IGFBP7: variants seen among roughly 807,000 people sequenced by gnomAD.
IGFBP7 encodes the protein insulin like growth factor binding protein 7.
A neutral mutation model predicts 29.4 loss-of-function variants in IGFBP7; 31 were observed. That is an observed-to-expected ratio of 1.05 (90% CI 0.79 to 1.42). The LOEUF (loss-of-function observed/expected upper bound fraction) is 1.42. IGFBP7 is among the 40% of genes most tolerant of loss of function. The probability of loss-of-function intolerance (pLI) is 0.00; values close to 1 mark genes in which losing one functional copy is unlikely to be tolerated. For synonymous variants in IGFBP7, 172 were observed against 174.9 expected (o/e 0.98, Z 0.13); for missense variants, 393 against 395.5 (o/e 0.99, Z 0.05).
chr4:57,031,023 C>G lies in IGFBP7; in HGVS notation c.*294G>C. The G allele has an allele frequency of 8.2e-7, 1 of 1,215,394 alleles. No individual in the cohort carries two copies. The highest frequency in any genetic ancestry group is 1.2e-6 in the Non-Finnish European group (1 of 816,668). 75.3% of individuals were successfully genotyped at this position (1,215,394 alleles called of 1,614,324 possible). A position where few individuals can be genotyped will look rare whatever the true frequency, so the allele number is the denominator to read the frequency against. On this transcript the variant is annotated 3_prime_UTR_variant, in exon 5 of 5. Coordinates refer to ENST00000295666, the MANE Select transcript of IGFBP7 (RefSeq NM_001553.3). ...AGGAGTCAACAAGATAATTAAATAT[C>G]TTGGTGTCTTGTTTCTATTGTGTGG...
chr4:57,053,019 C>CTT (rs60116761), intron 1 of IGFBP7, among the ~76,000 whole-genome samples: 5 of 141,088 alleles, frequency 3.5e-5, no homozygotes, highest in Admixed American at 1.4e-4. Context: ...TCTTTTCTAT[C>CTT]TTTTTTTTTT....
At chr4:57,036,048 AAAC>A (rs533428207) in intron 2 of IGFBP7, among the ~76,000 whole-genome samples, 190 of 152,352 alleles carry the variant, frequency 1.2e-3, no homozygotes, top group African/African-American at 4.1e-3. Flanking sequence ...AAAAATTTGG[AAAC>A]AACAGAAAAA....
chr4:57,082,282 G>C (rs1054622161), intron 1 of IGFBP7, among the ~76,000 whole-genome samples: 3 of 152,194 alleles, frequency 2.0e-5, no homozygotes, highest in Non-Finnish European at 4.4e-5. Flanking sequence ...CCTGAGAGAA[G>C]GCTGAGTTTA....
At chr4:57,043,877 G>T (rs1456934752) in intron 1 of IGFBP7, among the ~76,000 whole-genome samples, 1 of 152,174 alleles carries the variant, frequency 6.6e-6, no homozygotes, top group Non-Finnish European at 1.5e-5. Context: ...TTCCTCTAGG[G>T]CTATGGGACC....
Position 57,031,115 on chromosome 4 carries a change from A to G in IGFBP7, c.*202T>C. The stretch of plus-strand genomic sequence containing the variant: ...GTATTTTATTTGTTTAATGATATGC[A>G]TGCTTTTCTTCTGTAAATATATAAT... On this transcript the variant is annotated 3_prime_UTR_variant, in exon 5 of 5. Transcript: ENST00000295666. 1 of 723,754 alleles carries G rather than the reference A, an allele frequency of 1.4e-6. No homozygotes were observed. The highest frequency in any genetic ancestry group is 2.4e-6 in the Non-Finnish European group (1 of 417,490). The allele number at this position is 723,754 out of a possible 1,614,324, so 44.8% of individuals were successfully genotyped here. A position where few individuals can be genotyped will look rare whatever the true frequency, so the allele number is the denominator to read the frequency against.
intron 1 of IGFBP7, among the ~76,000 whole-genome samples, chr4:57,051,575 A>G (rs1368009464): frequency 6.6e-6 from 1 of 152,198 alleles, no homozygotes; most frequent in Non-Finnish European, 1.5e-5. Context: ...TCTTCTCTAA[A>G]TATAATCTGT....
At chr4:57,058,501 G>T (rs978449303) in intron 1 of IGFBP7, among the ~76,000 whole-genome samples, 2 of 152,202 alleles carry the variant, frequency 1.3e-5, no homozygotes, top group African/African-American at 4.8e-5. Flanking sequence ...ATGGGGAAAA[G>T]ACTCCCTATT....
chr4:57,090,821 A>C (rs1725620530), intron 1 of IGFBP7, among the ~76,000 whole-genome samples: 1 of 152,206 alleles, frequency 6.6e-6, no homozygotes, highest in Non-Finnish European at 1.5e-5. Context: ...TGCACACTCC[A>C]GCCTAGGTGA....
chr4:57,097,710 T>TA (rs201108946), intron 1 of IGFBP7, among the ~76,000 whole-genome samples: 1,822 of 151,462 alleles, frequency 0.012, 22 homozygotes, highest in South Asian at 0.014. Context: ...GTCTTGCAGG[T>TA]AAAAAAAAAT....
chr4:57,082,388 A>G (rs1208190409), intron 1 of IGFBP7, among the ~76,000 whole-genome samples: 2 of 152,170 alleles, frequency 1.3e-5, no homozygotes, highest in African/African-American at 4.8e-5. Context: ...TGGAGTTGCC[A>G]TGTTTGAAAT....
chr4:57,095,418 T>C (rs1725737376), intron 1 of IGFBP7, among the ~76,000 whole-genome samples: 1 of 152,230 alleles, frequency 6.6e-6, no homozygotes, highest in South Asian at 2.1e-4. Context: ...ATTGTACTTA[T>C]GCCTTCCTCT....
chr4:57,069,443 T>C (rs1393809499), intron 1 of IGFBP7, among the ~76,000 whole-genome samples: 2 of 151,968 alleles, frequency 1.3e-5, no homozygotes, highest in African/African-American at 4.8e-5. Context: ...AAACAAAAAA[T>C]AAAAAATTAG....
chr4:57,103,250 A>C (rs1250466655), intron 1 of IGFBP7, among the ~76,000 whole-genome samples: 2 of 152,182 alleles, frequency 1.3e-5, no homozygotes, highest in Non-Finnish European at 2.9e-5. Context: ...TTCTCCCAAC[A>C]GCAGCCAACA....
intron 1 of IGFBP7, among the ~76,000 whole-genome samples, chr4:57,094,801 C>T (rs1725723849): frequency 1.3e-5 from 2 of 152,208 alleles, no homozygotes; most frequent in Admixed American, 6.5e-5. Context: ...TCAATCCTCA[C>T]TATTTGTGGA....
chr4:57,035,380 AT>A (rs1724057683), intron 2 of IGFBP7, among the ~76,000 whole-genome samples: 1 of 152,210 alleles, frequency 6.6e-6, no homozygotes, highest in Non-Finnish European at 1.5e-5. Context: ...AGTGCCAAGA[AT>A]TTTCATATGA....
At chr4:57,068,036 G>T (rs1168967722) in intron 1 of IGFBP7, among the ~76,000 whole-genome samples, 2 of 152,290 alleles carry the variant, frequency 1.3e-5, no homozygotes, top group South Asian at 2.1e-4. Context: ...TTCAAAAGAA[G>T]TGGGCTTTAG....
intron 1 of IGFBP7, among the ~76,000 whole-genome samples, chr4:57,061,342 T>C (rs1724795151): frequency 6.6e-6 from 1 of 152,218 alleles, no homozygotes; most frequent in African/African-American, 2.4e-5. Context: ...TACATACCTC[T>C]GATAAAATCT....
chr4:57,033,260 G>A lies in IGFBP7; in HGVS notation c.637C>T (p.Arg213Trp), dbSNP rs146423345. 23 of 1,613,936 alleles carry A rather than the reference G, an allele frequency of 1.4e-5. No homozygotes were observed. The highest frequency in any genetic ancestry group is 1.7e-5 in the Admixed American group (1 of 59,996). The stretch of plus-strand genomic sequence containing the variant: ...CGGGTCTGAATGGCCAGGTTGTCCC[G>A]GTCACCAGGCAGGAGTTCTGTCCTT... ...VQRTELLPGD[R>W]DNLAIQTRGG... is the part of the protein sequence containing the mutation. The change falls in exon 3 of 5, where the codon CGG becomes TGG. Residue 213 changes from arginine (R) to tryptophan (W), a missense_variant. Coordinates refer to ENST00000295666, the MANE Select transcript of IGFBP7 (RefSeq NM_001553.3).
At chr4:57,047,119 G>T (rs1304174901) in intron 1 of IGFBP7, among the ~76,000 whole-genome samples, 2 of 152,204 alleles carry the variant, frequency 1.3e-5, no homozygotes, top group Admixed American at 6.5e-5. Context: ...ATCTCAAATT[G>T]TAGCTCCCAT....
Sources: allele counts gnomAD v4.1 joint callset (sites outside exome capture counted in the v4.1 genomes callset), GRCh38; gene constraint gnomAD v4.1.1; transcripts MANE v1.5; gene names NCBI Gene and HGNC (gene_info 2026-07-23, HGNC 2026-07-21).